The following COL25A1 variants were observed in gnomAD, a reference collection of about 807,000 sequenced individuals.
The protein encoded by COL25A1 is collagen type XXV alpha 1 chain, also known as collagen alpha-1(XXV) chain.
In COL25A1, 103 loss-of-function variants were observed where a neutral mutation model predicts 128.4. That is an observed-to-expected ratio of 0.80 (90% CI 0.68 to 0.94). COL25A1 has a LOEUF of 0.94. Ranked by LOEUF, COL25A1 falls within the 40% of genes least tolerant of loss-of-function variation. The probability of loss-of-function intolerance (pLI) is 0.00; values close to 1 mark genes in which losing one functional copy is unlikely to be tolerated. For missense variants in COL25A1, 745 were observed against 840.0 expected (o/e 0.89, Z 1.40); for synonymous variants, 279 against 277.2 (o/e 1.01, Z -0.06).
At chr4:109,030,391 G>C (rs1416477964) in intron 5 of COL25A1, among the ~76,000 whole-genome samples, 1 of 152,128 alleles carries the variant, frequency 6.6e-6, no homozygotes, top group African/African-American at 2.4e-5. Flanking sequence ...AGTTCAAGTG[G>C]AATAGCCTCT....
At chr4:108,927,650 G>T (rs1746227995) in intron 11 of COL25A1, among the ~76,000 whole-genome samples, 1 of 152,144 alleles carries the variant, frequency 6.6e-6, no homozygotes, top group South Asian at 2.1e-4. Flanking sequence ...ATGAAAAAAA[G>T]TTCTACATGC....
chr4:109,054,392 T>C (rs1761269865), intron 3 of COL25A1, among the ~76,000 whole-genome samples: 1 of 152,206 alleles, frequency 6.6e-6, no homozygotes, highest in South Asian at 2.1e-4. Context: ...TGTATGATTA[T>C]TGTGAGGATG....
intron 6 of COL25A1, among the ~76,000 whole-genome samples, chr4:109,005,178 G>C (rs925911132): frequency 2.0e-5 from 3 of 152,194 alleles, no homozygotes; most frequent in Non-Finnish European, 4.4e-5. Context: ...ATAAGGCAAA[G>C]GGGGAGCCAG....
intron 3 of COL25A1, among the ~76,000 whole-genome samples, chr4:109,171,052 G>A (rs938532793): frequency 2.0e-5 from 3 of 152,010 alleles, no homozygotes; most frequent in African/African-American, 7.2e-5. Context: ...TATTACTGAT[G>A]GAATGAATGA....
chr4:109,010,420 T>C, intron 5 of COL25A1, 45 bp from the exon 6 acceptor site: 1 of 1,409,776 alleles, frequency 7.1e-7, no homozygotes, highest in Non-Finnish European at 9.7e-7. Context: ...AATTGTATCC[T>C]AAGTGAATAT....
At chr4:108,838,699 T>C (rs1445381723) in intron 31 of COL25A1, among the ~76,000 whole-genome samples, 1 of 152,164 alleles carries the variant, frequency 6.6e-6, no homozygotes, top group African/African-American at 2.4e-5. Context: ...TTCACTGCCC[T>C]TGCCAAGTCA....
chr4:109,090,720 T>C (rs1291869166), intron 3 of COL25A1, among the ~76,000 whole-genome samples: 1 of 152,182 alleles, frequency 6.6e-6, no homozygotes, highest in Non-Finnish European at 1.5e-5. Flanking sequence ...CAGTTTAAAA[T>C]TCCATTTGAA....
chr4:109,106,494 GCT>G (rs1352342507), intron 3 of COL25A1, among the ~76,000 whole-genome samples: 2 of 151,892 alleles, frequency 1.3e-5, no homozygotes, highest in Non-Finnish European at 2.9e-5. Context: ...AGACTGTTAT[GCT>G]CATCCACAGC....
At chr4:109,004,235 G>C (rs1355914901) in intron 6 of COL25A1, among the ~76,000 whole-genome samples, 1 of 152,046 alleles carries the variant, frequency 6.6e-6, no homozygotes, top group East Asian at 1.9e-4. Flanking sequence ...TCTAGTCCCA[G>C]CAATTCTTAA....
chr4:108,928,321 A>C (rs1746312465), intron 11 of COL25A1, among the ~76,000 whole-genome samples: 1 of 152,202 alleles, frequency 6.6e-6, no homozygotes, highest in Non-Finnish European at 1.5e-5. Flanking sequence ...ATATATAGTC[A>C]TATCCTATTC....
intron 5 of COL25A1, among the ~76,000 whole-genome samples, chr4:109,043,415 G>C (rs1175798238): frequency 6.6e-6 from 1 of 151,996 alleles, no homozygotes; most frequent in Non-Finnish European, 1.5e-5. Flanking sequence ...CAAGATTCTA[G>C]GGTTCAAACC....
chr4:109,287,059 A>C (rs547800343), intron 3 of COL25A1, among the ~76,000 whole-genome samples: 10 of 152,332 alleles, frequency 6.6e-5, no homozygotes, highest in Non-Finnish European at 1.0e-4. Flanking sequence ...CACACACACA[A>C]AAAAATCCAA....
chr4:108,819,551 C>T (rs754158534), intron 35 of COL25A1, among the ~76,000 whole-genome samples: 2 of 152,134 alleles, frequency 1.3e-5, no homozygotes, highest in Admixed American at 6.5e-5. Flanking sequence ...GGTATGGAAT[C>T]GTGCCAGTTC....
chr4:109,137,982 ATATG>A (rs1447545640), intron 3 of COL25A1, among the ~76,000 whole-genome samples: 1 of 60,760 alleles, frequency 1.6e-5, no homozygotes, highest in African/African-American at 3.9e-5. Context: ...TTTTATATAT[ATATG>A]TGTGTGTGTG....
intron 5 of COL25A1, among the ~76,000 whole-genome samples, chr4:109,046,962 C>T (rs1760483611): frequency 6.6e-6 from 1 of 152,172 alleles, no homozygotes; most frequent in African/African-American, 2.4e-5. Flanking sequence ...ACACATCTAG[C>T]TCAGAGCTGA....
At chr4:109,216,183 C>G (rs1777964898) in intron 3 of COL25A1, among the ~76,000 whole-genome samples, 1 of 151,908 alleles carries the variant, frequency 6.6e-6, no homozygotes, top group Non-Finnish European at 1.5e-5. Flanking sequence ...GTCACTCTAT[C>G]CGGTGTTCCT....
At chr4:109,279,561 G>T (rs1024113323) in intron 3 of COL25A1, among the ~76,000 whole-genome samples, 1 of 152,120 alleles carries the variant, frequency 6.6e-6, no homozygotes, top group African/African-American at 2.4e-5. Context: ...GGGCGACACA[G>T]CAAGACCCTG....
intron 3 of COL25A1, among the ~76,000 whole-genome samples, chr4:109,147,415 GAATT>G (rs1183429540): frequency 6.6e-6 from 1 of 152,186 alleles, no homozygotes; most frequent in Non-Finnish European, 1.5e-5. Flanking sequence ...TAGGACAGAA[GAATT>G]AGTTAAGGAG....
chr4:109,158,500 G>C (rs1772243921), intron 3 of COL25A1, among the ~76,000 whole-genome samples: 1 of 152,138 alleles, frequency 6.6e-6, no homozygotes, highest in Admixed American at 6.6e-5. Context: ...AGGCAAATAA[G>C]ATGTTTATTC....
Sources: gnomAD v4.1 joint callset for allele counts (sites outside exome capture counted in the v4.1 genomes callset) on GRCh38, gnomAD v4.1.1 for gene constraint, MANE v1.5 for transcripts, NCBI Gene and HGNC (gene_info 2026-07-23, HGNC 2026-07-21) for gene names.